Variants in DRD2 observed in about 807,000 individuals in gnomAD.
DRD2 encodes the protein dopamine receptor D2.
A neutral mutation model predicts 38.0 loss-of-function variants in DRD2; 8 were observed. The ratio of observed to expected loss-of-function variants is 0.21; its 90% CI spans 0.12 to 0.38. The LOEUF (loss-of-function observed/expected upper bound fraction) is 0.38, where lower values mean the gene tolerates loss of function less well. Among genes scored for constraint, DRD2 ranks in the 10% least tolerant of loss-of-function variants. The pLI, the probability that DRD2 is intolerant of heterozygous loss-of-function variation, is 1.00. For synonymous variants in DRD2, 230 were observed against 238.6 expected (o/e 0.96, Z 0.33); for missense variants, 403 against 607.7 (o/e 0.66, Z 3.54).
rs569783058 is a variant in DRD2, at chr11:113,413,877, G to A, written c.810+498C>T. ...AGCTGCTCTGCTGCGTCCTACCCCA[G>A]AACCTGCCCATCCATAAGGCAGCTC... On this transcript the variant is annotated intron_variant, in intron 6 of 7. Transcript: ENST00000362072. 107 of 244,022 alleles carry A rather than the reference G, an allele frequency of 4.4e-4. 1 individual carries two copies. Among genetic ancestry groups the A allele is most frequent in the South Asian group, 2.0e-3 (37 of 18,234 alleles). 15.1% of individuals were successfully genotyped at this position (244,022 alleles called of 1,614,324 possible). A position where few individuals can be genotyped will look rare whatever the true frequency, so the allele number is the denominator to read the frequency against.
At chr11:113,446,836 G>A (rs1053862967) in intron 1 of DRD2, among the ~76,000 whole-genome samples, 13 of 152,282 alleles carry the variant, frequency 8.5e-5, no homozygotes, top group African/African-American at 2.6e-4. Context: ...TGTTGGTGGC[G>A]AGTGAGGATG....
chr11:113,474,871 G>A (rs1307982246), intron 1 of DRD2, among the ~76,000 whole-genome samples: 1 of 152,122 alleles, frequency 6.6e-6, no homozygotes, highest in Non-Finnish European at 1.5e-5. Context: ...AGGAGGGAGA[G>A]GGGATAGCAG....
rs535744131 is a variant in DRD2 at position 113,461,395 on chromosome 11, A to G, written c.-32+13681T>C. Among the ~76,000 whole-genome samples the G allele has an allele frequency of 2.0e-5, 3 of 152,284 alleles. No homozygotes were observed. The South Asian group carries it at 6.2e-4, about 32-fold the overall frequency. On this transcript the variant is annotated intron_variant, in intron 1 of 7. Transcript: ENST00000362072. The stretch of plus-strand genomic sequence containing the variant: ...ACCACCCCCAGCAAAGCTGAACTCA[A>G]TGGCAGGAGTCAGGAAGCCCTCCTT...
At chr11:113,456,082 T>C (rs1951265892) in intron 1 of DRD2, among the ~76,000 whole-genome samples, 1 of 152,212 alleles carries the variant, frequency 6.6e-6, no homozygotes. Flanking sequence ...ACGTGATCTA[T>C]ATATCCACAA....
intron 1 of DRD2, among the ~76,000 whole-genome samples, chr11:113,433,747 T>C (rs115762198): frequency 0.01 from 1,565 of 152,136 alleles, 35 homozygotes; most frequent in African/African-American, 0.036. Context: ...AGCCAGAGAG[T>C]GGCTACAATC....
chr11:113,457,770 T>C (rs1461761250), intron 1 of DRD2, among the ~76,000 whole-genome samples: 1 of 152,238 alleles, frequency 6.6e-6, no homozygotes, highest in Non-Finnish European at 1.5e-5. Flanking sequence ...GAGTGGCAGC[T>C]CTCCAAGCTG....
At chr11:113,448,916 C>T (rs923529321) in intron 1 of DRD2, among the ~76,000 whole-genome samples, 1 of 152,208 alleles carries the variant, frequency 6.6e-6, no homozygotes, top group Non-Finnish European at 1.5e-5. Context: ...TACCTTTAGC[C>T]TGCCTTCCTG....
chr11:113,432,700 T>A lies in DRD2; in HGVS notation c.-31-8018A>T, dbSNP rs57054632. Among the ~76,000 whole-genome samples the A allele has an allele frequency of 9.6e-3, 1,463 of 151,824 alleles. 26 individuals carry two copies. Among genetic ancestry groups the A allele is most frequent in the African/African-American group, 0.034 (1,400 of 41,366 alleles). ...ACTTGAGTTGGATAGGAATTGGGAG[T>A]GAGTGGGTAAGAGGTTCCTTTCCAG... is the stretch of plus-strand genomic sequence containing the variant. On this transcript the variant is annotated intron_variant, in intron 1 of 7. Transcript: ENST00000362072.
chr11:113,441,117 GCAAATAACCCTC>G (rs1254369117), intron 1 of DRD2, among the ~76,000 whole-genome samples: 1 of 152,190 alleles, frequency 6.6e-6, no homozygotes, highest in African/African-American at 2.4e-5. Context: ...CCAAGTTTGT[GCAAATAACCCTC>G]CAATGGATGC....
intron 1 of DRD2, among the ~76,000 whole-genome samples, chr11:113,473,715 C>T (rs891537408): frequency 6.6e-6 from 1 of 152,166 alleles, no homozygotes; most frequent in Non-Finnish European, 1.5e-5. Context: ...GACTGAAACC[C>T]AGGAAAGCAG....
intron 4 of DRD2, among the ~76,000 whole-genome samples, chr11:113,416,289 G>C (rs576251654): frequency 2.0e-5 from 3 of 152,176 alleles, no homozygotes; most frequent in Non-Finnish European, 4.4e-5. Context: ...TCCCTGATGA[G>C]AGGAAGTTCC....
chr11:113,461,991 C>T (rs1274364214), intron 1 of DRD2, among the ~76,000 whole-genome samples: 2 of 152,194 alleles, frequency 1.3e-5, no homozygotes, highest in Admixed American at 1.3e-4. Flanking sequence ...CTTCCTTCCC[C>T]TCTCTTCCTC....
chr11:113,411,323 A>G (rs1591271398), intron 7 of DRD2, among the ~76,000 whole-genome samples: 2 of 152,308 alleles, frequency 1.3e-5, no homozygotes, highest in Admixed American at 1.3e-4. Flanking sequence ...AAAAACACTC[A>G]CAACAGCTCT....
At position 113,412,862 on chromosome 11, in the gene DRD2, C is replaced by T. The variant is rs75673283; in HGVS notation, c.832G>A (p.Glu278Lys). 1.2e-6 allele frequency: 2 copies of T among 1,612,044 alleles called. No individual in the cohort carries two copies. The highest frequency in any genetic ancestry group is 3.3e-5 in the Admixed American group (2 of 60,010). Residue 278 changes from glutamate (E) to lysine (K), a missense_variant, in exon 7 of 8, where the codon GAG (glutamate) becomes AAG (lysine). By Grantham distance (56) the Glu-to-Lys change is moderately conservative. Transcript: ENST00000362072. The part of the protein sequence containing the change: ...RRVEAARRAQ[E>K]LEMEMLSSTS... ...CTGGAGAGCATCTCCATCTCCAGCT[C>T]CTGGGCTCGCCGGGCAGCCTCCTGC...
chr11:113,434,082 C>T (rs1951014884), intron 1 of DRD2, among the ~76,000 whole-genome samples: 1 of 152,172 alleles, frequency 6.6e-6, no homozygotes, highest in African/African-American at 2.4e-5. Context: ...CCAGCCCCTT[C>T]TCCAAGGAAG....
At position 113,448,909 on chromosome 11, in the gene DRD2, C is replaced by T. The variant is rs115481513; in HGVS notation, c.-31-24227G>A. Among the ~76,000 whole-genome samples the T allele has an allele frequency of 6.5e-3, 983 of 152,300 alleles. 8 individuals are homozygous for T. Among genetic ancestry groups the T allele is most frequent in the African/African-American group, 0.023 (945 of 41,558 alleles). On this transcript the variant is annotated intron_variant, in intron 1 of 7. Transcript: ENST00000362072. ...TTCAAGAGTTTCTTCTCAACCCTAC[C>T]TTTAGCCTGCCTTCCTGACCATCCT...
intron 1 of DRD2, among the ~76,000 whole-genome samples, chr11:113,426,268 G>A (rs1438127153): frequency 6.6e-6 from 1 of 152,048 alleles, no homozygotes; most frequent in Non-Finnish European, 1.5e-5. Flanking sequence ...TGGGAGGCTG[G>A]TGTCGCATAT....
intron 3 of DRD2, among the ~76,000 whole-genome samples, chr11:113,417,766 A>G (rs976479376): frequency 5.9e-5 from 9 of 152,188 alleles, no homozygotes; most frequent in Admixed American, 5.2e-4. Flanking sequence ...CAGAATCACA[A>G]TCTTTCCCCT....
At chr11:113,438,498 A>G (rs925519236) in intron 1 of DRD2, among the ~76,000 whole-genome samples, 5 of 152,198 alleles carry the variant, frequency 3.3e-5, no homozygotes, top group African/African-American at 1.2e-4. Flanking sequence ...TGAGGGGCCC[A>G]AGGGAAAGAA....
Sources: allele counts gnomAD v4.1 joint callset (sites outside exome capture counted in the v4.1 genomes callset), GRCh38; gene constraint gnomAD v4.1.1; transcripts MANE v1.5; gene names NCBI Gene and HGNC (gene_info 2026-07-23, HGNC 2026-07-21).